The following HPSE2 variants were observed in gnomAD, a reference collection of about 807,000 sequenced individuals.
HPSE2 encodes heparanase 2 (inactive), also known as inactive heparanase-2.
HPSE2 carries 38 observed loss-of-function variants against 60.5 expected under a neutral mutation model. That is an observed-to-expected ratio of 0.63 (90% CI 0.48 to 0.82). The LOEUF (loss-of-function observed/expected upper bound fraction) is 0.82. HPSE2 is among the 40% of genes least tolerant of loss of function. The probability of loss-of-function intolerance (pLI) is 0.00; values close to 1 mark genes in which losing one functional copy is unlikely to be tolerated. For missense variants in HPSE2, 713 were observed against 740.4 expected (o/e 0.96, Z 0.43); for synonymous variants, 295 against 293.2 (o/e 1.01, Z -0.06).
At chr10:98,517,225 T>C (rs1942632878) in intron 9 of HPSE2, among the ~76,000 whole-genome samples, 2 of 151,772 alleles carry the variant, frequency 1.3e-5, no homozygotes, top group African/African-American at 4.8e-5. Context: ...AGGGGGTGCA[T>C]TGCAGGATAT....
intron 3 of HPSE2, among the ~76,000 whole-genome samples, chr10:99,096,302 T>C (rs867756158): frequency 1.3e-4 from 20 of 152,358 alleles, no homozygotes; most frequent in African/African-American, 3.6e-4. Context: ...AGCATTCTCC[T>C]AGATTTTGTA....
At chr10:98,600,809 TGC>T (rs59742929) in intron 9 of HPSE2, among the ~76,000 whole-genome samples, 50,950 of 133,328 alleles carry the variant, frequency 0.38, 12,124 homozygotes, top group Non-Finnish European at 0.51. Flanking sequence ...TACACGTGTG[TGC>T]GTGTGTGTGT....
At chr10:99,205,676 C>T (rs553763357) in intron 2 of HPSE2, among the ~76,000 whole-genome samples, 38 of 152,216 alleles carry the variant, frequency 2.5e-4, no homozygotes, top group African/African-American at 6.5e-4. Flanking sequence ...AAACTGGACA[C>T]GCCAATTCAC....
intron 9 of HPSE2, among the ~76,000 whole-genome samples, chr10:98,559,808 G>A (rs929057966): frequency 6.6e-6 from 1 of 152,180 alleles, no homozygotes; most frequent in Non-Finnish European, 1.5e-5. Context: ...GGAGGAGAAT[G>A]TGGGGGTTCT....
At chr10:98,706,258 C>CA (rs1206726665) in intron 5 of HPSE2, among the ~76,000 whole-genome samples, 2 of 152,104 alleles carry the variant, frequency 1.3e-5, no homozygotes, top group African/African-American at 4.8e-5. Context: ...CTCTAAGATA[C>CA]AAAAAATTAG....
chr10:98,804,016 T>C (rs1012981751), intron 3 of HPSE2, among the ~76,000 whole-genome samples: 21 of 151,994 alleles, frequency 1.4e-4, no homozygotes, highest in African/African-American at 5.1e-4. Flanking sequence ...GGTTTGTAGT[T>C]CTCCTTGAAG....
At chr10:98,731,683 A>G (rs1426218185) in intron 4 of HPSE2, among the ~76,000 whole-genome samples, 1 of 152,178 alleles carries the variant, frequency 6.6e-6, no homozygotes, top group Non-Finnish European at 1.5e-5. Flanking sequence ...TAATGGTGAA[A>G]TATGGACTGT....
intron 3 of HPSE2, among the ~76,000 whole-genome samples, chr10:98,883,410 T>C (rs979567850): frequency 4.6e-5 from 7 of 152,086 alleles, no homozygotes; most frequent in South Asian, 2.1e-4. Context: ...TCTAAAAACA[T>C]AGACATTCAC....
intron 10 of HPSE2, among the ~76,000 whole-genome samples, 179 bp downstream of exon 10, chr10:98,489,872 T>C (rs1043068646): frequency 2.0e-5 from 3 of 152,232 alleles, no homozygotes; most frequent in African/African-American, 4.8e-5. Flanking sequence ...GAGCGTTTAC[T>C]TGGAGTAAAA....
At chr10:98,745,179 G>A (rs1589752717) in intron 3 of HPSE2, among the ~76,000 whole-genome samples, 1 of 152,162 alleles carries the variant, frequency 6.6e-6, no homozygotes, top group African/African-American at 2.4e-5. Context: ...TCCAGCCTGG[G>A]TGACAGAGTG....
At chr10:98,509,112 A>C (rs1942299550) in intron 9 of HPSE2, among the ~76,000 whole-genome samples, 1 of 152,130 alleles carries the variant, frequency 6.6e-6, no homozygotes, top group Non-Finnish European at 1.5e-5. Context: ...TCAAGAGATC[A>C]AGACCATTCT....
chr10:98,967,005 G>A (rs1371519682), intron 3 of HPSE2, among the ~76,000 whole-genome samples: 1 of 152,154 alleles, frequency 6.6e-6, no homozygotes, highest in Non-Finnish European at 1.5e-5. Context: ...ATGTTATGAA[G>A]ATTATCTAAT....
intron 5 of HPSE2, among the ~76,000 whole-genome samples, chr10:98,709,663 T>C (rs571742895): frequency 6.6e-6 from 1 of 152,322 alleles, no homozygotes; most frequent in Admixed American, 6.5e-5. Flanking sequence ...TCTCCTTTCA[T>C]TGTGAGAGTT....
the HPSE2 span, among the ~76,000 whole-genome samples, chr10:99,311,679 T>C: frequency 1.3e-5 from 2 of 152,164 alleles, no homozygotes; most frequent in African/African-American, 4.8e-5. Flanking sequence ...AAATTAGTCC[T>C]AATAATAACC....
the HPSE2 span, among the ~76,000 whole-genome samples, chr10:99,262,895 A>C: frequency 1.3e-5 from 2 of 152,252 alleles, no homozygotes; most frequent in African/African-American, 4.8e-5. Flanking sequence ...TTCCTTAAAA[A>C]ACAGCCCTAA....
chr10:99,155,734 G>A (rs1320004534), intron 2 of HPSE2, among the ~76,000 whole-genome samples: 1 of 149,374 alleles, frequency 6.7e-6, no homozygotes, highest in East Asian at 2.0e-4. Flanking sequence ...GCTAGCAGAA[G>A]GCAAGAAATA....
At chr10:98,914,720 A>T (rs552461912) in intron 3 of HPSE2, among the ~76,000 whole-genome samples, 2 of 151,402 alleles carry the variant, frequency 1.3e-5, no homozygotes, top group South Asian at 4.2e-4. Context: ...ATAAAAGAAA[A>T]GTTACCCAGG....
chr10:98,661,195 A>T lies in HPSE2; in HGVS notation c.1005-19255T>A, dbSNP rs989096307. On this transcript the variant is annotated intron_variant, in intron 6 of 11. Transcript: ENST00000370552. ...GTAATGGGAAATAATTATCTCCTTCAAAGGATACATAAGAAAAGTCACTGG... is the reference window on the plus strand; with the variant it reads ...GTAATGGGAAATAATTATCTCCTTCTAAGGATACATAAGAAAAGTCACTGG... 2.0e-5 allele frequency among the ~76,000 whole-genome samples: 3 copies of T among 152,248 alleles called. No homozygotes were observed. In the East Asian group the frequency reaches 5.8e-4, roughly 29 times the overall value.
chr10:98,594,120 A>T (rs1945165727), intron 9 of HPSE2, among the ~76,000 whole-genome samples: 2 of 152,224 alleles, frequency 1.3e-5, no homozygotes, highest in Admixed American at 1.3e-4. Context: ...GCTAATTAAC[A>T]TATGTATTAG....
Sources: allele counts gnomAD v4.1 joint callset (sites outside exome capture counted in the v4.1 genomes callset), GRCh38; gene constraint gnomAD v4.1.1; transcripts MANE v1.5; gene names NCBI Gene and HGNC (gene_info 2026-07-23, HGNC 2026-07-21).